Variants in STIL observed in about 807,000 individuals in gnomAD.
STIL encodes STIL centriolar assembly protein.
STIL carries 55 observed loss-of-function variants against 110.1 expected under a neutral mutation model. The observed-to-expected ratio is 0.50, with a 90% CI of 0.40 to 0.63. The LOEUF is 0.63. STIL is among the 20% of genes least tolerant of loss of function. The pLI is 0.00. For synonymous variants in STIL, 481 were observed against 530.0 expected (o/e 0.91, Z 1.27); for missense variants, 1,358 against 1,530.0 (o/e 0.89, Z 1.87).
chr1:47,260,521 A>T lies in STIL; in HGVS notation c.2848T>A (p.Leu950Ile). 2.5e-6 allele frequency: 4 copies of T among 1,614,144 alleles called. No individual in the cohort carries two copies. The highest frequency in any genetic ancestry group is 2.2e-5 in the East Asian group (1 of 44,876). Reference protein sequence around the residue: ...QDLLGQVNHLLNSSSKETEQP... With the variant: ...QDLLGQVNHLINSSSKETEQP... The stretch of plus-strand genomic sequence containing the variant: ...TCAGTTTCCTTGGAGGAACTATTTA[A>T]TAGGTGGTTTACTTGACCCTGACAA... Residue 950 changes from leucine (L) to isoleucine (I), a missense_variant, in exon 16 of 17, where the codon TTA (leucine) becomes ATA (isoleucine). Physicochemically the swap from Leu to Ile is conservative, Grantham distance 5. Coordinates refer to ENST00000371877, the MANE Select transcript of STIL (RefSeq NM_001048166.1).
intron 9 of STIL, 122 bp downstream of exon 9, chr1:47,289,313 A>T: frequency 1.6e-6 from 1 of 611,652 alleles, no homozygotes; most frequent in South Asian, 3.3e-5. Flanking sequence ...AAGATTATTT[A>T]TAAGTAAACA....
chr1:47,276,625 T>A (rs1644999680), intron 12 of STIL, among the ~76,000 whole-genome samples: 1 of 151,528 alleles, frequency 6.6e-6, no homozygotes, highest in African/African-American at 2.4e-5. Flanking sequence ...CTGGCCAACA[T>A]GGTGAAACCC....
rs1645147829 is a variant in STIL, at chr1:47,281,142, T to C, written c.1316A>G (p.Asn439Ser). 1.2e-6 allele frequency: 2 copies of C among 1,613,896 alleles called. No individual in the cohort carries two copies. The highest frequency in any genetic ancestry group is 1.7e-6 in the Non-Finnish European group (2 of 1,180,018). The change falls in exon 12 of 17, where the codon AAC (asparagine) becomes AGC (serine). Residue 439 changes from asparagine (N) to serine (S), a missense_variant. Physicochemically the swap from Asn to Ser is conservative, Grantham distance 46. Coordinates refer to ENST00000371877, the MANE Select transcript of STIL (RefSeq NM_001048166.1). ...CATTTCCAATGGAGTAGGCAGAGGGTTTGATTCTATGAAATTGCCATCCAA... is the reference window on the plus strand; with the variant it reads ...CATTTCCAATGGAGTAGGCAGAGGGCTTGATTCTATGAAATTGCCATCCAA... Reference protein sequence around the residue: ...LVLDGNFIESNPLPTPLEMVN... With the variant: ...LVLDGNFIESSPLPTPLEMVN...
chr1:47,302,980 G>A (rs1645849943), intron 3 of STIL, among the ~76,000 whole-genome samples: 1 of 151,954 alleles, frequency 6.6e-6, no homozygotes, highest in Admixed American at 6.6e-5. Flanking sequence ...GCATAAAGGG[G>A]GGAAACTACT....
Position 47,251,023 on chromosome 1 carries a change from C to A in STIL, c.*113G>T. ...AGTCACTCTTCCCAATTGGCTGCTA[C>A]CAAGAAACAGTGACTCCAGAATGAT... On this transcript the variant is annotated 3_prime_UTR_variant, in exon 17 of 17. Coordinates refer to ENST00000371877, the MANE Select transcript of STIL (RefSeq NM_001048166.1). 9.4e-7 allele frequency: 1 copy of A among 1,067,020 alleles called. No individual in the cohort carries two copies. The allele number at this position is 1,067,020 out of a possible 1,614,324, so 66.1% of individuals were successfully genotyped here. A position where few individuals can be genotyped will look rare whatever the true frequency, so the allele number is the denominator to read the frequency against.
chr1:47,311,219 T>C (rs775684291), intron 1 of STIL, among the ~76,000 whole-genome samples: 1 of 151,824 alleles, frequency 6.6e-6, no homozygotes, highest in Non-Finnish European at 1.5e-5. Flanking sequence ...CACCTACTTA[T>C]CTATAGCAAA....
intron 9 of STIL, among the ~76,000 whole-genome samples, chr1:47,289,084 A>AAAC (rs1402396250): frequency 2.0e-5 from 3 of 150,764 alleles, no homozygotes. Flanking sequence ...AAAAAAAAAA[A>AAAC]AACATCAGGA....
At chr1:47,251,972 C>T in intron 16 of STIL, 50 bp from the exon 17 acceptor site, 1 of 1,566,334 alleles carries the variant, frequency 6.4e-7, no homozygotes, top group Non-Finnish European at 8.6e-7. Flanking sequence ...CTAAGTAATA[C>T]ATAGTTCTCA....
At chr1:47,256,793 G>A (rs1174627594) in intron 16 of STIL, among the ~76,000 whole-genome samples, 1 of 152,036 alleles carries the variant, frequency 6.6e-6, no homozygotes, top group Middle Eastern at 3.4e-3. Context: ...TTGGGAGTTC[G>A]AGACCAGCCT....
rs191497069 is a variant in STIL at position 47,269,590 on chromosome 1, T to A, written c.2615+45A>T. ...ATTATTATTTGTCTATCAAAAAAAA[T>A]TTTTTTTGAAAGTAGGATGAAAGAC... On this transcript the variant is annotated intron_variant, in intron 14 of 16. Coordinates refer to ENST00000371877, the MANE Select transcript of STIL (RefSeq NM_001048166.1). 6.1e-3 allele frequency: 9,148 copies of A among 1,489,818 alleles called. 30 individuals are homozygous for A. The highest frequency in any genetic ancestry group is 7.5e-3 in the Non-Finnish European group (8,108 of 1,076,764). 92.3% of individuals were successfully genotyped at this position (1,489,818 alleles called of 1,614,324 possible). A position where few individuals can be genotyped will look rare whatever the true frequency, so the allele number is the denominator to read the frequency against.
At chr1:47,271,122 G>A (rs540349859) in intron 13 of STIL, among the ~76,000 whole-genome samples, 1 of 151,978 alleles carries the variant, frequency 6.6e-6, no homozygotes, top group African/African-American at 2.4e-5. Context: ...TATGCTTATT[G>A]TATTTATACC....
At chr1:47,271,702 A>G (rs764380433) in intron 13 of STIL, among the ~76,000 whole-genome samples, 6 of 151,872 alleles carry the variant, frequency 4.0e-5, no homozygotes, top group Non-Finnish European at 8.8e-5. Flanking sequence ...ACACTTTGGG[A>G]GGCTGAGACA....
rs767641468 is a variant in STIL at position 47,263,029 on chromosome 1, TA to T, written c.2702del (p.Leu901TyrfsTer24). The part of the protein sequence containing the change: ...GQLAESVSMC[L>X]QTGPTGGASN... ...TGGCACCCCCTGTTGGTCCAGTCTG[TA>T]AACACATGCTTACACTTTCTGCCAG... On this transcript the variant is annotated frameshift_variant, in exon 15 of 17. Coordinates refer to ENST00000371877, the MANE Select transcript of STIL (RefSeq NM_001048166.1). LOFTEE classifies it high-confidence loss of function. The T allele has an allele frequency of 6.2e-7, 1 of 1,614,218 alleles. No individual in the cohort carries two copies. Among genetic ancestry groups the T allele is most frequent in the Non-Finnish European group, 8.5e-7 (1 of 1,180,040 alleles).
chr1:47,251,144 A>C lies in STIL; in HGVS notation c.3859T>G (p.Leu1287Val). Residue 1287 changes from leucine to valine, a missense_variant, in exon 17 of 17, where the codon TTA (leucine) becomes GTA (valine). By Grantham distance (32) the Leu-to-Val change is conservative. Transcript: ENST00000371877. ...GGCAGGGAGTTAAAAGGTTAAAATA[A>C]TTTTGGTAACTGTCTGAGACGTTTT... ...DVKRLRQLPK[L>V]F 6.2e-7 allele frequency: 1 copy of C among 1,613,932 alleles called. No homozygotes were observed. The highest frequency in any genetic ancestry group is 8.5e-7 in the Non-Finnish European group (1 of 1,179,978).
At chr1:47,314,341 C>A (rs531932703), upstream of STIL, among the ~76,000 whole-genome samples, 14 of 152,350 alleles carry the variant, frequency 9.2e-5, no homozygotes, top group Non-Finnish European at 1.8e-4. Context: ...TGGAGAACTG[C>A]GGGCGCCACC....
At chr1:47,281,258 T>C in intron 11 of STIL, 49 bp from the exon 12 acceptor site, 2 of 1,551,728 alleles carry the variant, frequency 1.3e-6, no homozygotes, top group South Asian at 1.2e-5. Flanking sequence ...TTGGAGAAAC[T>C]GTATACTTTA....
At position 47,265,655 on chromosome 1, in the gene STIL, C is replaced by T. The variant is rs527645244; in HGVS notation, c.2616-2539G>A. Among the ~76,000 whole-genome samples, 100 of 152,030 alleles carry T rather than the reference C, an allele frequency of 6.6e-4. 1 individual carries two copies. Among genetic ancestry groups the T allele is most frequent in the East Asian group, 1.6e-3 (8 of 5,134 alleles). ...ACTTAGCCGGGCATAGTGGCAAGTGCCTGTAATCCTAGCTACTTGGCAGGC... is the reference window on the plus strand; with the variant it reads ...ACTTAGCCGGGCATAGTGGCAAGTGTCTGTAATCCTAGCTACTTGGCAGGC... On this transcript the variant is annotated intron_variant, in intron 14 of 16. Transcript: ENST00000371877.
chr1:47,301,877 T>C, intron 4 of STIL, 129 bp from the exon 5 acceptor site: 1 of 847,484 alleles, frequency 1.2e-6, no homozygotes. Context: ...AATACTAAAC[T>C]AAACTCTTAC....
chr1:47,305,552 C>T (rs1023754053), intron 2 of STIL, among the ~76,000 whole-genome samples: 6 of 152,050 alleles, frequency 3.9e-5, no homozygotes, highest in Admixed American at 1.3e-4. Flanking sequence ...CCTTAGCCTC[C>T]CAAGTAGCTG....
Sources: gnomAD v4.1 joint callset for allele counts (sites outside exome capture counted in the v4.1 genomes callset) on GRCh38, gnomAD v4.1.1 for gene constraint, MANE v1.5 for transcripts, NCBI Gene and HGNC (gene_info 2026-07-23, HGNC 2026-07-21) for gene names.